NME7: variants seen among roughly 807,000 people sequenced by gnomAD.
The protein encoded by NME7 is NME/NM23 family member 7, also known as nucleoside diphosphate kinase 7.
In NME7, 41 loss-of-function variants were observed where a neutral mutation model predicts 49.1. The ratio of observed to expected loss-of-function variants is 0.83; its 90% CI spans 0.65 to 1.08. The LOEUF is 1.08. NME7 is among the 50% of genes least tolerant of loss of function. The pLI is 0.00. For synonymous variants in NME7, 139 were observed against 150.6 expected, an observed-to-expected ratio of 0.92 and a Z score of 0.56; for missense variants, 423 against 463.4, an observed-to-expected ratio of 0.91 and a Z score of 0.80.
At chr1:169,349,741 T>A (rs1571411574) in intron 1 of NME7, among the ~76,000 whole-genome samples, 1 of 152,152 alleles carries the variant, frequency 6.6e-6, no homozygotes, top group Non-Finnish European at 1.5e-5. Context: ...CAAAATTAAG[T>A]CCCTTTTTAG....
rs747291267 is a variant in NME7 at position 169,287,196 on chromosome 1, T to A, written c.754+107A>T. 2.2e-5 allele frequency: 21 copies of A among 949,116 alleles called. 1 individual carries two copies. The South Asian group carries it at 3.2e-4, about 15-fold the overall frequency. 58.8% of individuals were successfully genotyped at this position (949,116 alleles called of 1,614,324 possible). A position where few individuals can be genotyped will look rare whatever the true frequency, so the allele number is the denominator to read the frequency against. On this transcript the variant is annotated intron_variant, in intron 7 of 11. Transcript: ENST00000367811. ...CTCAAGTGCCTTCAAAGAAAAAAAA[T>A]GGAAATACTAAAAGTATACTTTATT...
rs866303732 is a variant in NME7 at position 169,168,736 on chromosome 1, G to A, written c.1098+711C>T. On this transcript the variant is annotated intron_variant, in intron 11 of 11. Transcript: ENST00000367811. The stretch of plus-strand genomic sequence containing the variant: ...TAACTACTAATGCTGTTGACCGGGA[G>A]CTTCATCGATAACAAAAAGTCGATT... The A allele has an allele frequency of 1.2e-4, 46 of 391,918 alleles. 1 individual carries two copies. In the Middle Eastern group the frequency reaches 7.4e-3, roughly 63 times the overall value. The allele number at this position is 391,918 out of a possible 1,614,324, so 24.3% of individuals were successfully genotyped here.
At chr1:169,226,715 T>C (rs1011253970) in intron 10 of NME7, among the ~76,000 whole-genome samples, 6 of 152,198 alleles carry the variant, frequency 3.9e-5, no homozygotes, top group African/African-American at 1.4e-4. Flanking sequence ...TTTGTTATTA[T>C]AAAAGTAATA....
At chr1:169,168,127 T>C (rs1659467457) in intron 11 of NME7, among the ~76,000 whole-genome samples, 1 of 152,198 alleles carries the variant, frequency 6.6e-6, no homozygotes, top group Non-Finnish European at 1.5e-5. Context: ...TCAGAAGTAG[T>C]GCAAGACCCT....
At position 169,356,934 on chromosome 1, in the gene NME7, T is replaced by A. The variant is rs139514319; in HGVS notation, c.3+10774A>T. Among the ~76,000 whole-genome samples the A allele has an allele frequency of 5.9e-3, 893 of 152,316 alleles. 7 individuals carry two copies. Among genetic ancestry groups the A allele is most frequent in the Non-Finnish European group, 1.0e-2 (677 of 68,014 alleles). ...GAGAAAAAGCAGTAAAGTCAACTAA[T>A]CTTGTTTTTAATTAGCGTTCTTTCA... On this transcript the variant is annotated intron_variant, in intron 1 of 11. Coordinates refer to ENST00000367811, the MANE Select transcript of NME7 (RefSeq NM_013330.5).
intron 10 of NME7, among the ~76,000 whole-genome samples, chr1:169,183,079 C>T (rs181981623): frequency 6.6e-6 from 1 of 152,320 alleles, no homozygotes; most frequent in East Asian, 1.9e-4. Context: ...AAGTAACTTG[C>T]TCTGTGACTT....
At chr1:169,210,615 C>G (rs936741847) in intron 10 of NME7, among the ~76,000 whole-genome samples, 22 of 152,114 alleles carry the variant, frequency 1.4e-4, no homozygotes, top group African/African-American at 5.3e-4. Context: ...CACACTCCAT[C>G]AGAATAAAGG....
chr1:169,346,598 T>C (rs1652959506), intron 1 of NME7, among the ~76,000 whole-genome samples: 1 of 152,192 alleles, frequency 6.6e-6, no homozygotes, highest in African/African-American at 2.4e-5. Context: ...CCCTGCTCAT[T>C]TTTTTCCCGT....
chr1:169,143,750 TCATTGCA>T (rs1330602949), intron 11 of NME7, among the ~76,000 whole-genome samples: 9 of 152,168 alleles, frequency 5.9e-5, no homozygotes, highest in Non-Finnish European at 1.3e-4. Context: ...CAACTTCCAT[TCATTGCA>T]CTGACAGCTC....
rs112929835 is a variant in NME7 at position 169,210,591 on chromosome 1, TAC to T, written c.990+20125_990+20126del. Among the ~76,000 whole-genome samples, 1,395 of 150,890 alleles carry T rather than the reference TAC, an allele frequency of 9.2e-3. 33 individuals carry two copies. Among genetic ancestry groups the T allele is most frequent in the African/African-American group, 0.032 (1,328 of 41,180 alleles). On this transcript the variant is annotated intron_variant, in intron 10 of 11. Transcript: ENST00000367811. ...GAACAAATCATTCATAATATTTAAA[TAC>T]ACACACACACACACACTCCATCAGA...
At chr1:169,146,506 T>C (rs1332795079) in intron 11 of NME7, among the ~76,000 whole-genome samples, 1 of 152,198 alleles carries the variant, frequency 6.6e-6, no homozygotes, top group Non-Finnish European at 1.5e-5. Context: ...ATAACATACA[T>C]ATTCTTTAAA....
At chr1:169,177,152 A>G (rs1659777573) in intron 10 of NME7, among the ~76,000 whole-genome samples, 1 of 152,162 alleles carries the variant, frequency 6.6e-6, no homozygotes, top group Non-Finnish European at 1.5e-5. Flanking sequence ...GAATCCTACA[A>G]TTCAATGCTC....
chr1:169,365,765 C>A (rs1385469175), intron 1 of NME7, among the ~76,000 whole-genome samples: 1 of 151,862 alleles, frequency 6.6e-6, no homozygotes, highest in Non-Finnish European at 1.5e-5. Context: ...ATTTCCAGAC[C>A]AGACTGTAAA....
chr1:169,359,815 T>G (rs939080568), intron 1 of NME7, among the ~76,000 whole-genome samples: 1 of 152,088 alleles, frequency 6.6e-6, no homozygotes, highest in Non-Finnish European at 1.5e-5. Context: ...TATAGAAATA[T>G]GAAGAAGGCA....
At chr1:169,321,071 T>G (rs529193154) in intron 3 of NME7, among the ~76,000 whole-genome samples, 6 of 152,326 alleles carry the variant, frequency 3.9e-5, no homozygotes, top group African/African-American at 1.4e-4. Context: ...TTTTTATGGT[T>G]GTTATTTTAT....
chr1:169,195,170 C>T (rs1193048620), intron 10 of NME7, among the ~76,000 whole-genome samples: 1 of 152,116 alleles, frequency 6.6e-6, no homozygotes, highest in Non-Finnish European at 1.5e-5. Flanking sequence ...AGTTAAGATG[C>T]TGGCTTTTTA....
intron 1 of NME7, among the ~76,000 whole-genome samples, chr1:169,333,441 G>T (rs929910866): frequency 3.9e-5 from 6 of 151,982 alleles, no homozygotes; most frequent in African/African-American, 1.4e-4. Context: ...TAACTTAATT[G>T]TACATTTTAA....
At chr1:169,253,079 A>C (rs374690215) in intron 7 of NME7, among the ~76,000 whole-genome samples, 1 of 151,706 alleles carries the variant, frequency 6.6e-6, no homozygotes, top group African/African-American at 2.4e-5. Context: ...TTTAAAGTAG[A>C]TTTTTCCAAT....
intron 10 of NME7, among the ~76,000 whole-genome samples, chr1:169,206,333 T>G (rs935921190): frequency 1.3e-5 from 2 of 152,116 alleles, no homozygotes; most frequent in African/African-American, 4.8e-5. Flanking sequence ...AATATCTATA[T>G]GGAAGTTGGA....
Sources: gnomAD v4.1 joint callset for allele counts (sites outside exome capture counted in the v4.1 genomes callset) on GRCh38, gnomAD v4.1.1 for gene constraint, MANE v1.5 for transcripts, NCBI Gene and HGNC (gene_info 2026-07-23, HGNC 2026-07-21) for gene names.